TPTE2: variants seen among roughly 807,000 people sequenced by gnomAD.
TPTE2 encodes transmembrane phosphoinositide 3-phosphatase and tensin homolog 2.
In TPTE2, 53 loss-of-function variants were observed where a neutral mutation model predicts 78.6. The observed-to-expected ratio is 0.67, with a 90% CI of 0.54 to 0.85. TPTE2 has a LOEUF of 0.85. Ranked by LOEUF, TPTE2 falls within the 40% of genes least tolerant of loss-of-function variation. The pLI is 0.00. For missense variants in TPTE2, 461 were observed against 623.0 expected (o/e 0.74, Z 2.77); for synonymous variants, 175 against 206.2 (o/e 0.85, Z 1.30).
At chr13:19,522,258 T>C (rs1022383647) in intron 1 of TPTE2, among the ~76,000 whole-genome samples, 3 of 152,240 alleles carry the variant, frequency 2.0e-5, no homozygotes, top group Admixed American at 6.5e-5. Flanking sequence ...GTAATTATCC[T>C]GGCAATTTGG....
intron 1 of TPTE2, among the ~76,000 whole-genome samples, chr13:19,528,950 C>A (rs1870693803): frequency 6.6e-6 from 1 of 151,972 alleles, no homozygotes; most frequent in South Asian, 2.1e-4. Flanking sequence ...AAAACCCTGT[C>A]TCTACTAAAA....
At chr13:19,478,903 G>A (rs891051341) in intron 4 of TPTE2, among the ~76,000 whole-genome samples, 13 of 152,000 alleles carry the variant, frequency 8.6e-5, no homozygotes, top group African/African-American at 1.9e-4. Context: ...GCAAACTATC[G>A]CAAGGTCAGA....
chr13:19,494,509 A>G (rs1005138155), intron 1 of TPTE2, among the ~76,000 whole-genome samples: 1 of 152,118 alleles, frequency 6.6e-6, no homozygotes, highest in African/African-American at 2.4e-5. Context: ...CCAAGGTTCA[A>G]TCGATTCTCC....
chr13:19,479,012 G>A (rs929595451), intron 4 of TPTE2, among the ~76,000 whole-genome samples: 3 of 152,098 alleles, frequency 2.0e-5, no homozygotes, highest in Non-Finnish European at 2.9e-5. Context: ...CCTGTCATGG[G>A]GTGGGGGGAT....
chr13:19,491,716 T>C (rs1248365939), intron 3 of TPTE2, among the ~76,000 whole-genome samples: 2 of 151,932 alleles, frequency 1.3e-5, no homozygotes, highest in African/African-American at 4.8e-5. Flanking sequence ...TCCCAGCTAC[T>C]CAGGAGGCTG....
chr13:19,479,179 G>A (rs1365067480), intron 4 of TPTE2, among the ~76,000 whole-genome samples: 1 of 152,036 alleles, frequency 6.6e-6, no homozygotes, highest in Non-Finnish European at 1.5e-5. Flanking sequence ...TGTAGCAGGT[G>A]AAAATGTAAA....
intron 10 of TPTE2, among the ~76,000 whole-genome samples, chr13:19,459,657 T>C (rs566871158): frequency 6.6e-6 from 1 of 152,132 alleles, no homozygotes; most frequent in South Asian, 2.1e-4. Flanking sequence ...CAGGGAGAGA[T>C]CAAAGCTCTG....
chr13:19,515,374 C>A (rs1193797476), intron 1 of TPTE2, among the ~76,000 whole-genome samples: 3 of 152,258 alleles, frequency 2.0e-5, no homozygotes, highest in East Asian at 1.9e-4. Flanking sequence ...TAAATGGTAT[C>A]TTTTTATGTC....
intron 11 of TPTE2, 49 bp downstream of exon 14, chr13:19,451,116 G>C (rs748995988): frequency 1.3e-5 from 20 of 1,595,802 alleles, no homozygotes; most frequent in Non-Finnish European, 1.6e-5. Flanking sequence ...CTTACGTGCA[G>C]TAATCTGTTT....
At chr13:19,547,419 A>G in the TPTE2 span, among the ~76,000 whole-genome samples, 1 of 152,210 alleles carries the variant, frequency 6.6e-6, no homozygotes, top group South Asian at 2.1e-4. Flanking sequence ...TAGGATTTTT[A>G]CATAATCGGT....
the TPTE2 span, among the ~76,000 whole-genome samples, chr13:19,551,927 T>A: frequency 6.6e-6 from 1 of 152,192 alleles, no homozygotes; most frequent in African/African-American, 2.4e-5. Context: ...TAAATTGAAT[T>A]AAAATGTTTA....
chr13:19,439,974 G>A (rs1372275735), intron 13 of TPTE2, among the ~76,000 whole-genome samples: 2 of 152,092 alleles, frequency 1.3e-5, no homozygotes, highest in Admixed American at 6.5e-5. Flanking sequence ...CCAAACCTAC[G>A]AATTACTGGC....
At chr13:19,467,476 T>C in intron 6 of TPTE2, 132 bp from the exon 10 acceptor site, 1 of 749,998 alleles carries the variant, frequency 1.3e-6, no homozygotes, top group Non-Finnish European at 1.9e-6. Flanking sequence ...AAATGTATTT[T>C]CTAGAGTAGA....
chr13:19,507,784 C>T (rs1869172123), upstream of TPTE2, among the ~76,000 whole-genome samples: 1 of 152,210 alleles, frequency 6.6e-6, no homozygotes, highest in African/African-American at 2.4e-5. Flanking sequence ...TAAGACGAAA[C>T]ATCCAGCTGT....
At chr13:19,533,436 T>A (rs1458718669) in intron 1 of TPTE2, among the ~76,000 whole-genome samples, 4 of 152,202 alleles carry the variant, frequency 2.6e-5, no homozygotes, top group Non-Finnish European at 5.9e-5. Flanking sequence ...TAATAAAGAT[T>A]AAGTATTCTA....
At chr13:19,442,448 A>T (rs1877560593) in intron 13 of TPTE2, among the ~76,000 whole-genome samples, 1 of 152,140 alleles carries the variant, frequency 6.6e-6, no homozygotes, top group Admixed American at 6.5e-5. Context: ...GAAAACTTGT[A>T]GCCTTAAATC....
At chr13:19,531,331 T>G (rs17339449) in intron 1 of TPTE2, among the ~76,000 whole-genome samples, 16,331 of 152,186 alleles carry the variant, frequency 0.11, 1,007 homozygotes, top group Middle Eastern at 0.2. Context: ...ACATCTTTAT[T>G]TTTAGAACTA....
At chr13:19,503,103 G>C in intron 1 of TPTE2, 121 bp downstream of exon 4, 2 of 1,398,862 alleles carry the variant, frequency 1.4e-6, no homozygotes, top group Non-Finnish European at 2.0e-6. Context: ...TTTGGGAGAA[G>C]TGTGTATGGA....
intron 1 of TPTE2, among the ~76,000 whole-genome samples, chr13:19,495,595 C>T (rs1881257038): frequency 6.6e-6 from 1 of 152,190 alleles, no homozygotes; most frequent in Non-Finnish European, 1.5e-5. Flanking sequence ...CCCATGGATG[C>T]TTGTCACACT....
Sources: gnomAD v4.1 joint callset for allele counts (sites outside exome capture counted in the v4.1 genomes callset) on GRCh38, gnomAD v4.1.1 for gene constraint, MANE v1.5 for transcripts, NCBI Gene and HGNC (gene_info 2026-07-23, HGNC 2026-07-21) for gene names.